CCDC102B: variants seen among roughly 807,000 people sequenced by gnomAD.
The protein encoded by CCDC102B is coiled-coil domain-containing protein 102B.
In CCDC102B, 75 loss-of-function variants were observed where a neutral mutation model predicts 57.4. That is an observed-to-expected ratio of 1.31 (90% CI 1.08 to 1.58). CCDC102B has a LOEUF of 1.58. Ranked by LOEUF, CCDC102B falls within the 40% of genes most tolerant of loss-of-function variation. CCDC102B has a pLI of 0.00. For synonymous variants in CCDC102B, 206 were observed against 201.9 expected, an observed-to-expected ratio of 1.02 and a Z score of -0.17; for missense variants, 636 against 582.6, an observed-to-expected ratio of 1.09 and a Z score of -0.94.
In CCDC102B at chr18:68,741,873, C is replaced by A. The variant is rs556784841; in HGVS notation, c.-67+25279C>A. Among the ~76,000 whole-genome samples, 18 of 152,130 alleles carry A rather than the reference C, an allele frequency of 1.2e-4. 1 individual carries two copies. The South Asian group carries it at 3.3e-3, about 28-fold the overall frequency. On this transcript the variant is annotated intron_variant, in intron 2 of 3. Transcript: ENST00000578970. The stretch of plus-strand genomic sequence containing the variant: ...CAGTGATGGGGAAGGAGTGAGTGTT[C>A]CCATAGGTAGTTTGAAATTCCCACT...
chr18:68,905,883 T>C (rs561615869), intron 6 of CCDC102B, among the ~76,000 whole-genome samples: 3 of 132,432 alleles, frequency 2.3e-5, no homozygotes, highest in Admixed American at 1.8e-4. Context: ...AAGCTCCGCC[T>C]CCCGGGTTCA....
intron 7 of CCDC102B, among the ~76,000 whole-genome samples, chr18:69,038,388 A>G (rs928616392): frequency 6.6e-6 from 1 of 152,002 alleles, no homozygotes; most frequent in African/African-American, 2.4e-5. Flanking sequence ...CATACGTTCC[A>G]ATACATAATG....
intron 7 of CCDC102B, among the ~76,000 whole-genome samples, chr18:69,043,074 A>C (rs1361523020): frequency 6.6e-6 from 1 of 152,150 alleles, no homozygotes; most frequent in African/African-American, 2.4e-5. Context: ...TCAGGGTCAC[A>C]AGACAATAGT....
intron 6 of CCDC102B, among the ~76,000 whole-genome samples, chr18:68,973,584 A>G (rs939600444): frequency 9.9e-5 from 15 of 152,242 alleles, no homozygotes; most frequent in South Asian, 2.1e-4. Flanking sequence ...CTTATAAAAC[A>G]TCATTACAAA....
At chr18:68,900,796 C>T (rs2040423409) in intron 6 of CCDC102B, among the ~76,000 whole-genome samples, 1 of 151,958 alleles carries the variant, frequency 6.6e-6, no homozygotes, top group African/African-American at 2.4e-5. Context: ...CTATTTATTC[C>T]ATTAGTTAAT....
At chr18:69,000,725 C>A (rs1352144955) in intron 6 of CCDC102B, among the ~76,000 whole-genome samples, 5 of 152,048 alleles carry the variant, frequency 3.3e-5, no homozygotes, top group Admixed American at 2.6e-4. Flanking sequence ...AAGAGAATGA[C>A]CCTCAGAGAT....
At chr18:68,867,620 A>G (rs1479810411) in intron 4 of CCDC102B, among the ~76,000 whole-genome samples, 1 of 151,978 alleles carries the variant, frequency 6.6e-6, no homozygotes, top group Non-Finnish European at 1.5e-5. Flanking sequence ...GAATTAATCT[A>G]TCCCAGCTAG....
At chr18:69,018,289 T>C (rs59990059) in intron 7 of CCDC102B, among the ~76,000 whole-genome samples, 4,027 of 152,346 alleles carry the variant, frequency 0.026, 188 homozygotes, top group African/African-American at 0.091. Context: ...GTATAGTTTG[T>C]ATAAATTGCA....
At chr18:68,722,925 A>AGG (rs1295550234) in intron 2 of CCDC102B, among the ~76,000 whole-genome samples, 3 of 127,296 alleles carry the variant, frequency 2.4e-5, no homozygotes, top group Admixed American at 8.8e-5. Context: ...TTTTAGATTC[A>AGG]GGGAGTACAA....
intron 4 of CCDC102B, among the ~76,000 whole-genome samples, chr18:68,863,109 T>C (rs1427883120): frequency 1.3e-5 from 2 of 151,884 alleles, no homozygotes; most frequent in African/African-American, 4.8e-5. Context: ...TTAAAATCAT[T>C]TACTTTATTT....
chr18:68,823,169 C>T (rs945987065), intron 1 of CCDC102B, among the ~76,000 whole-genome samples: 1 of 152,188 alleles, frequency 6.6e-6, no homozygotes, highest in African/African-American at 2.4e-5. Context: ...TAGGTTGTAA[C>T]CAATTGGAGG....
At position 68,835,523 on chromosome 18, in the gene CCDC102B, T is replaced by C. The variant is rs376051618; in HGVS notation, c.-15-1226T>C. On this transcript the variant is annotated intron_variant, in intron 1 of 7. Coordinates refer to ENST00000360242, the MANE Select transcript of CCDC102B (RefSeq NM_024781.3). ...CACAAGAACCATGTCTTTTTCATAATATTTTATTTTTGACCTTATCACAAT... is the reference window on the plus strand; with the variant it reads ...CACAAGAACCATGTCTTTTTCATAACATTTTATTTTTGACCTTATCACAAT... 3.3e-5 allele frequency among the ~76,000 whole-genome samples: 5 copies of C among 152,336 alleles called. No homozygotes were observed. The East Asian group carries it at 9.6e-4, about 29-fold the overall frequency.
At chr18:68,724,190 A>G (rs1029005308) in intron 2 of CCDC102B, among the ~76,000 whole-genome samples, 6 of 152,166 alleles carry the variant, frequency 3.9e-5, no homozygotes, top group African/African-American at 9.7e-5. Flanking sequence ...CTGAGGCTAC[A>G]TAGAGCTGGC....
chr18:68,879,894 T>C (rs1398332967), intron 5 of CCDC102B, among the ~76,000 whole-genome samples: 4 of 152,220 alleles, frequency 2.6e-5, no homozygotes, highest in African/African-American at 9.6e-5. Context: ...ATAAAGGTTC[T>C]CCACGTCCCC....
rs1354978186 is a variant in CCDC102B, at chr18:68,999,860, C to T, written c.1264-11074C>T. On this transcript the variant is annotated intron_variant, in intron 6 of 7. Transcript: ENST00000360242. ...TTGTTCATTTTTTTCATACTTATCA[C>T]TAGAATCAAATAGTGCATTATCAGT... is the stretch of plus-strand genomic sequence containing the variant. 2.0e-5 allele frequency among the ~76,000 whole-genome samples: 3 copies of T among 152,206 alleles called. No homozygotes were observed. In the East Asian group the frequency reaches 5.8e-4, roughly 29 times the overall value.
chr18:68,874,754 A>G lies in CCDC102B; in HGVS notation c.1022A>G (p.Lys341Arg). Residue 341 changes from lysine to arginine, a missense_variant, in exon 5 of 8, where the codon AAA becomes AGA. Lys to Arg is a conservative substitution (Grantham distance 26, BLOSUM62 2). Coordinates refer to ENST00000360242, the MANE Select transcript of CCDC102B (RefSeq NM_024781.3). ...GAAGAATCCAAATCTCAAAACAGCA[A>G]AGACAGAGTGATTTGTGAGTTAAGA... is the stretch of plus-strand genomic sequence containing the variant. ...IKEESKSQNS[K>R]DRVICELRAE... 1 of 1,610,424 alleles carries G rather than the reference A, an allele frequency of 6.2e-7. No homozygotes were observed. Among genetic ancestry groups the G allele is most frequent in the Non-Finnish European group, 8.5e-7 (1 of 1,177,056 alleles).
At chr18:68,725,243 G>T (rs1261516712) in intron 2 of CCDC102B, among the ~76,000 whole-genome samples, 2 of 152,162 alleles carry the variant, frequency 1.3e-5, no homozygotes, top group Non-Finnish European at 2.9e-5. Context: ...ACCATATCAG[G>T]TAGATTCTGT....
intron 1 of CCDC102B, among the ~76,000 whole-genome samples, chr18:68,806,870 C>T (rs2036051868): frequency 6.6e-6 from 1 of 152,070 alleles, no homozygotes; most frequent in African/African-American, 2.4e-5. Context: ...AATTAGTACT[C>T]ACCGAACATC....
intron 2 of CCDC102B, among the ~76,000 whole-genome samples, chr18:68,772,700 G>A (rs1451400294): frequency 1.3e-5 from 2 of 152,036 alleles, no homozygotes; most frequent in African/African-American, 2.4e-5. Context: ...CTTGGAAATT[G>A]AAATTTAGAA....
Sources: allele counts gnomAD v4.1 joint callset (sites outside exome capture counted in the v4.1 genomes callset), GRCh38; gene constraint gnomAD v4.1.1; transcripts MANE v1.5; gene names NCBI Gene and HGNC (gene_info 2026-07-23, HGNC 2026-07-21).